TMEM132C: variants seen among roughly 807,000 people sequenced by gnomAD.
TMEM132C encodes protein phosphatase 1, regulatory subunit 152.
In TMEM132C, 29 loss-of-function variants were observed where a neutral mutation model predicts 61.4. The observed-to-expected ratio is 0.47, with a 90% CI of 0.35 to 0.64. TMEM132C has a LOEUF of 0.64. Among genes scored for constraint, TMEM132C ranks in the 30% least tolerant of loss-of-function variants. The pLI is 0.00. For synonymous variants in TMEM132C, 656 were observed against 633.1 expected (o/e 1.04, Z -0.54); for missense variants, 1,408 against 1,476.9 (o/e 0.95, Z 0.76).
intron 1 of TMEM132C, among the ~76,000 whole-genome samples, chr12:128,323,579 G>A (rs565033183): frequency 2.0e-4 from 31 of 152,332 alleles, no homozygotes; most frequent in African/African-American, 7.2e-4. Context: ...CACCAGGCGT[G>A]TGGAATTAGA....
chr12:128,267,475 C>G lies in TMEM132C; in HGVS notation c.73C>G (p.Leu25Val). ...CGALSLLLGA[L>V]LGKVIEGHGV... ...GGCGCTGAGCCTGCTGCTGGGCGCG[C>G]TGCTGGGCAAAGGTAAGGCCGGGGC... The change falls in exon 1 of 9, where the codon CTG becomes GTG. Residue 25 changes from leucine (L) to valine (V), a missense_variant. Transcript: ENST00000435159. The G allele has an allele frequency of 7.9e-7, 1 of 1,268,696 alleles. No individual in the cohort carries two copies. Among genetic ancestry groups the G allele is most frequent in the Non-Finnish European group, 9.9e-7 (1 of 1,009,580 alleles). The allele number at this position is 1,268,696 out of a possible 1,614,324, so 78.6% of individuals were successfully genotyped here. A position where few individuals can be genotyped will look rare whatever the true frequency, so the allele number is the denominator to read the frequency against.
chr12:128,673,179 G>T (rs987238819), intron 5 of TMEM132C, among the ~76,000 whole-genome samples: 1 of 152,178 alleles, frequency 6.6e-6, no homozygotes, highest in Non-Finnish European at 1.5e-5. Flanking sequence ...CCAATGCAAT[G>T]GTATTAGAGG....
At chr12:128,334,714 G>A (rs1872750591) in intron 1 of TMEM132C, among the ~76,000 whole-genome samples, 1 of 151,746 alleles carries the variant, frequency 6.6e-6, no homozygotes, top group African/African-American at 2.4e-5. Flanking sequence ...TCCGGCCTCA[G>A]CCTCCCGAGT....
At chr12:128,437,620 T>A (rs966099760) in intron 2 of TMEM132C, among the ~76,000 whole-genome samples, 1 of 152,260 alleles carries the variant, frequency 6.6e-6, no homozygotes, top group East Asian at 1.9e-4. Context: ...GGCAGCAGAC[T>A]TCCTATTACA....
intron 1 of TMEM132C, among the ~76,000 whole-genome samples, chr12:128,408,486 A>G (rs1868395537): frequency 6.6e-6 from 1 of 152,180 alleles, no homozygotes. Flanking sequence ...CTAAGTCCCT[A>G]CACTTCAAGA....
chr12:128,688,802 T>TA (rs546238918), intron 5 of TMEM132C, among the ~76,000 whole-genome samples: 12 of 152,158 alleles, frequency 7.9e-5, no homozygotes, highest in Non-Finnish European at 1.8e-4. Flanking sequence ...AAAACTGTTT[T>TA]AAAAAAATTG....
At chr12:128,461,227 T>C (rs768099237) in intron 2 of TMEM132C, among the ~76,000 whole-genome samples, 25 of 152,106 alleles carry the variant, frequency 1.6e-4, no homozygotes, top group Non-Finnish European at 2.5e-4. Flanking sequence ...ATGTTCTGAT[T>C]CTCTTGCATC....
chr12:128,449,050 C>T (rs1021807015), intron 2 of TMEM132C, among the ~76,000 whole-genome samples: 8 of 143,058 alleles, frequency 5.6e-5, no homozygotes, highest in African/African-American at 8.0e-5. Context: ...GACAGGAGAA[C>T]GGCGTGAACC....
At chr12:128,556,993 G>C (rs1474329101) in intron 3 of TMEM132C, among the ~76,000 whole-genome samples, 2 of 152,192 alleles carry the variant, frequency 1.3e-5, no homozygotes, top group Non-Finnish European at 2.9e-5. Flanking sequence ...ATAGCAACAT[G>C]AAAGTGAAAA....
intron 1 of TMEM132C, among the ~76,000 whole-genome samples, chr12:128,373,418 C>T (rs561956481): frequency 6.6e-6 from 1 of 152,342 alleles, no homozygotes; most frequent in Admixed American, 6.5e-5. Flanking sequence ...AATGGGATTC[C>T]TGGCTGACAG....
At chr12:128,525,333 TC>T (rs1873047328) in intron 2 of TMEM132C, among the ~76,000 whole-genome samples, 3 of 148,160 alleles carry the variant, frequency 2.0e-5, no homozygotes, top group Non-Finnish European at 4.5e-5. Context: ...TCTCTCTCTC[TC>T]TCTCTCTCTT....
chr12:128,577,294 A>G (rs1875147764), intron 3 of TMEM132C, among the ~76,000 whole-genome samples: 1 of 152,220 alleles, frequency 6.6e-6, no homozygotes, highest in Non-Finnish European at 1.5e-5. Flanking sequence ...ATTCCATTGT[A>G]TGGGTACACC....
chr12:128,290,573 G>A (rs891298491), intron 1 of TMEM132C, among the ~76,000 whole-genome samples: 1 of 152,106 alleles, frequency 6.6e-6, no homozygotes, highest in Admixed American at 6.5e-5. Context: ...GGGAGTTATA[G>A]CCCCATTGAA....
intron 4 of TMEM132C, among the ~76,000 whole-genome samples, chr12:128,660,311 G>T (rs883677): frequency 0.014 from 2,075 of 152,258 alleles, 46 homozygotes; most frequent in African/African-American, 0.046. Flanking sequence ...GCTCAAAAAT[G>T]GGATGACTTA....
intron 2 of TMEM132C, among the ~76,000 whole-genome samples, chr12:128,534,878 G>A (rs1241693792): frequency 6.6e-6 from 1 of 152,234 alleles, no homozygotes; most frequent in Non-Finnish European, 1.5e-5. Context: ...CAGTTGGTGA[G>A]AATCCTCCTA....
intron 4 of TMEM132C, among the ~76,000 whole-genome samples, chr12:128,646,090 G>A (rs1954195288): frequency 6.6e-6 from 1 of 151,576 alleles, no homozygotes; most frequent in African/African-American, 2.4e-5. Context: ...GTGTTTACTG[G>A]AACCTATCAG....
intron 1 of TMEM132C, among the ~76,000 whole-genome samples, chr12:128,400,560 G>A (rs1012512404): frequency 4.6e-5 from 7 of 151,294 alleles, no homozygotes; most frequent in South Asian, 2.1e-4. Flanking sequence ...CTGACTGCCC[G>A]CTAGATGCTA....
At chr12:128,575,014 C>T (rs1384758838) in intron 3 of TMEM132C, among the ~76,000 whole-genome samples, 2 of 152,230 alleles carry the variant, frequency 1.3e-5, no homozygotes, top group African/African-American at 2.4e-5. Flanking sequence ...CCTCTCTCAT[C>T]TGTGCCTCCC....
intron 2 of TMEM132C, among the ~76,000 whole-genome samples, chr12:128,444,842 C>G (rs1330546375): frequency 1.3e-5 from 2 of 152,136 alleles, no homozygotes; most frequent in Non-Finnish European, 2.9e-5. Context: ...GCAATTAACT[C>G]TGTGAGGAAC....
Sources: gnomAD v4.1 joint callset for allele counts (sites outside exome capture counted in the v4.1 genomes callset) on GRCh38, gnomAD v4.1.1 for gene constraint, MANE v1.5 for transcripts, NCBI Gene and HGNC (gene_info 2026-07-23, HGNC 2026-07-21) for gene names.